RANBP2: variants seen among roughly 807,000 people sequenced by gnomAD.
The protein encoded by RANBP2 is E3 SUMO-protein ligase RanBP2.
In RANBP2, 57 loss-of-function variants were observed where a neutral mutation model predicts 303.6. The observed-to-expected ratio is 0.19, with a 90% CI of 0.15 to 0.23. The LOEUF is 0.23. Among genes scored for constraint, RANBP2 ranks in the 10% least tolerant of loss-of-function variants. The probability of loss-of-function intolerance (pLI) is 1.00; values close to 1 mark genes in which losing one functional copy is unlikely to be tolerated. For synonymous variants in RANBP2, 1,167 were observed against 1,301.5 expected, an observed-to-expected ratio of 0.90 and a Z score of 2.23; for missense variants, 3,138 against 3,780.8, an observed-to-expected ratio of 0.83 and a Z score of 4.46.
chr2:109,615,428 C>T, the RANBP2 span: 3 of 1,613,100 alleles, frequency 1.9e-6, 1 homozygote, highest in South Asian at 3.3e-5. Flanking sequence ...CCAAGCACGG[C>T]AGGCAGGAGC....
At chr2:108,885,717 C>T in the RANBP2 span, among the ~76,000 whole-genome samples, 4 of 152,166 alleles carry the variant, frequency 2.6e-5, no homozygotes, top group Non-Finnish European at 5.9e-5. Context: ...TTCTAACTTA[C>T]TGTATGTTTG....
chr2:108,913,698 TCTTCTTGTTAGA>T, the RANBP2 span, among the ~76,000 whole-genome samples: 1 of 152,118 alleles, frequency 6.6e-6, no homozygotes, highest in East Asian at 1.9e-4. Context: ...GGGTATGAGT[TCTTCTTGTTAGA>T]AGGACAAGAG....
At chr2:108,981,525 A>G in the RANBP2 span, among the ~76,000 whole-genome samples, 64 of 152,176 alleles carry the variant, frequency 4.2e-4, no homozygotes, top group African/African-American at 1.4e-3. Flanking sequence ...AGCCCAAACA[A>G]CACCTGTCCA....
the RANBP2 span, among the ~76,000 whole-genome samples, chr2:108,955,529 C>T: frequency 6.6e-6 from 1 of 152,066 alleles, no homozygotes; most frequent in South Asian, 2.1e-4. Flanking sequence ...GGGCAGATCA[C>T]CTGAGGTCAG....
the RANBP2 span, among the ~76,000 whole-genome samples, chr2:109,509,656 A>G: frequency 3.3e-5 from 5 of 152,182 alleles, no homozygotes; most frequent in East Asian, 5.8e-4. Flanking sequence ...AATAACATAC[A>G]TGACATGTCC....
the RANBP2 span, among the ~76,000 whole-genome samples, chr2:109,410,588 C>T: frequency 2.6e-5 from 4 of 152,226 alleles, no homozygotes; most frequent in Non-Finnish European, 4.4e-5. Context: ...TGTTGAGCAT[C>T]CTGCCCGAGG....
the RANBP2 span, among the ~76,000 whole-genome samples, chr2:109,497,769 T>A: frequency 2.0e-5 from 3 of 152,368 alleles, no homozygotes; most frequent in African/African-American, 7.2e-5. Context: ...AATCATTGAA[T>A]TGCTCAGAAG....
intron 22 of RANBP2, 91 bp from the exon 23 acceptor site, chr2:108,772,777 T>G (rs979120309): frequency 5.9e-5 from 82 of 1,384,708 alleles, no homozygotes; most frequent in Non-Finnish European, 7.4e-5. Context: ...TCTTGTTACC[T>G]GGGTCTGTGG....
chr2:109,428,164 G>A, the RANBP2 span, among the ~76,000 whole-genome samples: 145 of 152,332 alleles, frequency 9.5e-4, 2 homozygotes, highest in African/African-American at 3.3e-3. Flanking sequence ...GCGTGGCCCT[G>A]GGAGAAAAGT....
At chr2:109,212,986 C>G in the RANBP2 span, among the ~76,000 whole-genome samples, 1 of 152,200 alleles carries the variant, frequency 6.6e-6, no homozygotes, top group South Asian at 2.1e-4. Context: ...CCCAGGGAAG[C>G]CCTGTGCTGA....
chr2:109,129,742 G>A, the RANBP2 span: 3 of 1,539,200 alleles, frequency 1.9e-6, no homozygotes, highest in Non-Finnish European at 2.6e-6. Flanking sequence ...GGACACCACG[G>A]CCAAGGTGCT....
At chr2:109,613,932 G>C in the RANBP2 span, 1 of 1,221,276 alleles carries the variant, frequency 8.2e-7, no homozygotes, top group Non-Finnish European at 1.0e-6. Context: ...AACGGGCGGG[G>C]CGCGAGGCTA....
the RANBP2 span, among the ~76,000 whole-genome samples, chr2:109,178,795 A>G: frequency 6.6e-6 from 1 of 152,158 alleles, no homozygotes; most frequent in African/African-American, 2.4e-5. Context: ...TGGCAGCACA[A>G]AATGTTTAAT....
At chr2:109,686,652 T>G in the RANBP2 span, among the ~76,000 whole-genome samples, 161 of 152,190 alleles carry the variant, frequency 1.1e-3, 1 homozygote, top group Middle Eastern at 0.014. Context: ...CATTCTATTA[T>G]CCAGGTCGGA....
At chr2:109,642,871 T>C in the RANBP2 span, among the ~76,000 whole-genome samples, 1 of 151,282 alleles carries the variant, frequency 6.6e-6, no homozygotes. Flanking sequence ...GCATCTCATA[T>C]TGGAAGATAA....
the RANBP2 span, among the ~76,000 whole-genome samples, chr2:108,979,430 C>CTT: frequency 2.0e-5 from 3 of 148,260 alleles, no homozygotes; most frequent in Non-Finnish European, 4.4e-5. Flanking sequence ...CTGTCTCTCT[C>CTT]TCTCTTTCTC....
chr2:109,251,404 G>A, the RANBP2 span: 1 of 692,234 alleles, frequency 1.4e-6, no homozygotes, highest in South Asian at 1.4e-5. Flanking sequence ...GCATCTGTGA[G>A]TGCATGGAGT....
the RANBP2 span, among the ~76,000 whole-genome samples, chr2:109,180,022 T>G: frequency 6.6e-6 from 1 of 151,816 alleles, no homozygotes; most frequent in African/African-American, 2.4e-5. Flanking sequence ...TCAAATTACC[T>G]CAAGTGGTGG....
chr2:109,130,401 C>G, the RANBP2 span, among the ~76,000 whole-genome samples: 1 of 152,234 alleles, frequency 6.6e-6, no homozygotes, highest in Non-Finnish European at 1.5e-5. Context: ...GCCTCTTAAA[C>G]TTAGCATCGC....
Sources: gnomAD v4.1 joint callset for allele counts (sites outside exome capture counted in the v4.1 genomes callset) on GRCh38, gnomAD v4.1.1 for gene constraint, MANE v1.5 for transcripts, NCBI Gene and HGNC (gene_info 2026-07-23, HGNC 2026-07-21) for gene names.